CNTN4: variants seen among roughly 807,000 people sequenced by gnomAD.
The protein encoded by CNTN4 is contactin 4, also known as contactin-4.
CNTN4 carries 77 observed loss-of-function variants against 122.5 expected under a neutral mutation model. The observed-to-expected ratio is 0.63, with a 90% CI of 0.52 to 0.76. CNTN4 has a LOEUF of 0.76. CNTN4 is among the 30% of genes least tolerant of loss of function. The pLI, the probability that CNTN4 is intolerant of heterozygous loss-of-function variation, is 0.00. For missense variants in CNTN4, 1,256 were observed against 1,259.1 expected (o/e 1.00, Z 0.04); for synonymous variants, 512 against 447.0 (o/e 1.15, Z -1.83).
At chr3:2,347,110 T>G (rs2044424829) in intron 3 of CNTN4, among the ~76,000 whole-genome samples, 1 of 148,038 alleles carries the variant, frequency 6.8e-6, no homozygotes, top group Non-Finnish European at 1.5e-5. Context: ...GCTACTTAAC[T>G]TTTGTATCAT....
chr3:2,673,570 T>C (rs2084662036), intron 4 of CNTN4, among the ~76,000 whole-genome samples: 1 of 152,146 alleles, frequency 6.6e-6, no homozygotes, highest in African/African-American at 2.4e-5. Context: ...AGGTGGTGTC[T>C]CATTCTGTCG....
intron 6 of CNTN4, among the ~76,000 whole-genome samples, chr3:2,764,157 G>C (rs1223154120): frequency 6.6e-6 from 1 of 152,126 alleles, no homozygotes; most frequent in African/African-American, 2.4e-5. Flanking sequence ...GCCAGACCCA[G>C]TCCCTCATCT....
chr3:2,255,067 G>T (rs560641171), intron 2 of CNTN4, among the ~76,000 whole-genome samples: 2 of 152,242 alleles, frequency 1.3e-5, no homozygotes, highest in East Asian at 1.9e-4. Flanking sequence ...TTTGTATAAG[G>T]TGTAAGGAAG....
intron 3 of CNTN4, among the ~76,000 whole-genome samples, chr3:2,481,961 T>C (rs2076018597): frequency 6.6e-6 from 1 of 152,116 alleles, no homozygotes; most frequent in African/African-American, 2.4e-5. Context: ...AAATACTCAG[T>C]CTCTGCATAG....
chr3:2,728,097 C>A (rs1347938170), intron 4 of CNTN4, among the ~76,000 whole-genome samples: 2 of 152,160 alleles, frequency 1.3e-5, no homozygotes, highest in Non-Finnish European at 2.9e-5. Flanking sequence ...TAAATACTAA[C>A]AACACTAAAT....
At chr3:2,646,378 G>A (rs1188746552) in intron 4 of CNTN4, among the ~76,000 whole-genome samples, 1 of 152,152 alleles carries the variant, frequency 6.6e-6, no homozygotes. Flanking sequence ...TAAGCATTTT[G>A]TGCAAATTAT....
At chr3:2,824,203 A>G (rs1212713167) in intron 7 of CNTN4, among the ~76,000 whole-genome samples, 1 of 151,728 alleles carries the variant, frequency 6.6e-6, no homozygotes, top group South Asian at 2.1e-4. Context: ...TCACACCTGT[A>G]ATCCCAGCAC....
chr3:2,748,765 C>T lies in CNTN4; in HGVS notation c.358+3068C>T, dbSNP rs186034545. ...CCGTCTGCATCGTCTTGAGCCTTTC[C>T]TTAACCATTTATCCTAAAACTGCCA... On this transcript the variant is annotated intron_variant, in intron 6 of 24. Transcript: ENST00000418658. Among the ~76,000 whole-genome samples the T allele has an allele frequency of 2.0e-5, 3 of 152,318 alleles. No individual in the cohort carries two copies. The East Asian group carries it at 5.8e-4, about 29-fold the overall frequency.
In CNTN4 at chr3:2,621,169, T is replaced by G. The variant is rs114125956; in HGVS notation, c.55+49611T>G. Among the ~76,000 whole-genome samples the G allele has an allele frequency of 6.6e-3, 1,000 of 152,252 alleles. 11 individuals carry two copies. Among genetic ancestry groups the G allele is most frequent in the African/African-American group, 0.023 (944 of 41,546 alleles). ...TCAGTTAACGTTAAGCACCCCCTGT[T>G]CTCGCGTCTTCCTCCTCACCTTCTC... On this transcript the variant is annotated intron_variant, in intron 4 of 24. Transcript: ENST00000418658.
intron 3 of CNTN4, among the ~76,000 whole-genome samples, chr3:2,377,189 T>A (rs2045853094): frequency 6.6e-6 from 1 of 151,278 alleles, no homozygotes; most frequent in African/African-American, 2.4e-5. Context: ...ATGACAGAGC[T>A]CTTTTCATTC....
At chr3:2,880,607 G>T (rs1186720310) in intron 8 of CNTN4, among the ~76,000 whole-genome samples, 2 of 152,246 alleles carry the variant, frequency 1.3e-5, no homozygotes, top group Non-Finnish European at 2.9e-5. Context: ...AGACTCAGGG[G>T]CAAGAGAACT....
intron 3 of CNTN4, among the ~76,000 whole-genome samples, chr3:2,407,928 CTGTG>C (rs939960024): frequency 1.3e-5 from 2 of 152,134 alleles, no homozygotes; most frequent in African/African-American, 4.8e-5. Context: ...ATGTACATAT[CTGTG>C]TGTGTCTATG....
intron 3 of CNTN4, among the ~76,000 whole-genome samples, chr3:2,406,321 T>C (rs1017095527): frequency 5.9e-5 from 9 of 152,162 alleles, no homozygotes; most frequent in African/African-American, 2.2e-4. Context: ...ATCAGTTCTG[T>C]GGTTTCTTGT....
At chr3:2,268,367 G>A (rs773168173) in intron 2 of CNTN4, among the ~76,000 whole-genome samples, 4 of 151,956 alleles carry the variant, frequency 2.6e-5, no homozygotes, top group South Asian at 2.1e-4. Context: ...ATTTACATGC[G>A]TGTGACTTCT....
At chr3:2,657,274 G>C (rs2083635447) in intron 4 of CNTN4, among the ~76,000 whole-genome samples, 2 of 152,114 alleles carry the variant, frequency 1.3e-5, no homozygotes, top group South Asian at 4.1e-4. Flanking sequence ...GAATACACAA[G>C]CCAAGATAAT....
chr3:2,723,868 C>A (rs1460807193), intron 4 of CNTN4, among the ~76,000 whole-genome samples: 1 of 152,170 alleles, frequency 6.6e-6, no homozygotes, highest in African/African-American at 2.4e-5. Flanking sequence ...AAACCAAGTT[C>A]AGTCCCTGTT....
intron 4 of CNTN4, among the ~76,000 whole-genome samples, chr3:2,592,008 T>C (rs1576133698): frequency 6.6e-6 from 1 of 152,022 alleles, no homozygotes; most frequent in East Asian, 1.9e-4. Context: ...CTCCCTAGTA[T>C]GCTGGGACTA....
At chr3:2,822,029 C>T (rs2092886933) in intron 7 of CNTN4, among the ~76,000 whole-genome samples, 1 of 152,186 alleles carries the variant, frequency 6.6e-6, no homozygotes, top group Non-Finnish European at 1.5e-5. Flanking sequence ...CTTCAAGCAT[C>T]CTGAATACGA....
chr3:2,451,448 TAA>T (rs35229464), intron 3 of CNTN4, among the ~76,000 whole-genome samples: 2,237 of 144,348 alleles, frequency 0.015, 62 homozygotes, highest in African/African-American at 0.053. Flanking sequence ...GGGGAGGTCT[TAA>T]AAAAAAAAAA....
Sources: gnomAD v4.1 joint callset for allele counts (sites outside exome capture counted in the v4.1 genomes callset) on GRCh38, gnomAD v4.1.1 for gene constraint, MANE v1.5 for transcripts, NCBI Gene and HGNC (gene_info 2026-07-23, HGNC 2026-07-21) for gene names.